Variants in NDST3 observed in about 807,000 individuals in gnomAD.
NDST3 encodes bifunctional heparan sulfate N-deacetylase/N-sulfotransferase 3.
A neutral mutation model predicts 96.1 loss-of-function variants in NDST3; 58 were observed. The ratio of observed to expected loss-of-function variants is 0.60; its 90% CI spans 0.49 to 0.75. NDST3 has a LOEUF of 0.75. Ranked by LOEUF, NDST3 falls within the 30% of genes least tolerant of loss-of-function variation. NDST3 has a pLI of 0.00. For synonymous variants in NDST3, 333 were observed against 359.7 expected, an observed-to-expected ratio of 0.93 and a Z score of 0.84; for missense variants, 788 against 1,034.2, an observed-to-expected ratio of 0.76 and a Z score of 3.27.
intron 6 of NDST3, among the ~76,000 whole-genome samples, chr4:118,223,448 T>C (rs1739674604): frequency 6.6e-6 from 1 of 152,056 alleles, no homozygotes; most frequent in Non-Finnish European, 1.5e-5. Flanking sequence ...AATTTATTTG[T>C]AAAAGTTCAA....
chr4:118,126,959 T>C (rs1732154379), intron 4 of NDST3, among the ~76,000 whole-genome samples: 1 of 152,118 alleles, frequency 6.6e-6, no homozygotes, highest in Admixed American at 6.5e-5. Flanking sequence ...GTTGAGCACC[T>C]TTTCATATGC....
rs1424393140 is a variant in NDST3 at position 118,255,598 on chromosome 4, G to A, written c.2508G>A (p.Arg836=). 6.2e-7 allele frequency: 1 copy of A among 1,611,356 alleles called. No individual in the cohort carries two copies. Among genetic ancestry groups the A allele is most frequent in the Non-Finnish European group, 8.5e-7 (1 of 1,178,398 alleles). The change falls in exon 14 of 14, where the codon AGG becomes AGA. Residue 836 remains arginine, a synonymous_variant. Coordinates refer to ENST00000296499, the MANE Select transcript of NDST3 (RefSeq NM_004784.3). ...RKYPPMDSDS[R]TFLSSYYRDH... ...CTCTCCTCCTCTCCACTTAGAGCAG[G>A]ACATTTCTGTCAAGCTACTATCGAG...
At chr4:118,196,736 T>C (rs1271606040) in intron 6 of NDST3, among the ~76,000 whole-genome samples, 1 of 152,014 alleles carries the variant, frequency 6.6e-6, no homozygotes, top group Non-Finnish European at 1.5e-5. Context: ...ATCTTCTTTT[T>C]TTTTCTTAGG....
At chr4:118,212,516 G>A (rs963066200) in intron 6 of NDST3, among the ~76,000 whole-genome samples, 2 of 152,122 alleles carry the variant, frequency 1.3e-5, no homozygotes, top group Non-Finnish European at 2.9e-5. Context: ...CTCCAGCCTG[G>A]GTGGCAAAGC....
At chr4:118,183,414 A>C (rs1736729121) in intron 6 of NDST3, among the ~76,000 whole-genome samples, 1 of 152,120 alleles carries the variant, frequency 6.6e-6, no homozygotes, top group Admixed American at 6.5e-5. Flanking sequence ...TCAAAGCTCC[A>C]CCAGTCTAAT....
intron 1 of NDST3, among the ~76,000 whole-genome samples, chr4:118,042,536 C>T (rs1724528841): frequency 6.6e-6 from 1 of 152,176 alleles, no homozygotes; most frequent in African/African-American, 2.4e-5. Flanking sequence ...TTTATCAAAT[C>T]CCTCTGTTCA....
chr4:118,202,383 G>A (rs1160386260), intron 6 of NDST3, among the ~76,000 whole-genome samples: 2 of 152,166 alleles, frequency 1.3e-5, no homozygotes, highest in African/African-American at 4.8e-5. Context: ...GATAGGAATA[G>A]TGTTGAATCT....
intron 12 of NDST3, among the ~76,000 whole-genome samples, chr4:118,243,261 T>A (rs1159821419): frequency 6.6e-6 from 1 of 152,202 alleles, no homozygotes; most frequent in Admixed American, 6.5e-5. Flanking sequence ...TTCCTTTACC[T>A]TTCAACAAAC....
chr4:118,226,943 C>G lies in NDST3; in HGVS notation c.1780C>G (p.Arg594Gly). 2 of 1,613,516 alleles carry G rather than the reference C, an allele frequency of 1.2e-6. No homozygotes were observed. Among genetic ancestry groups the G allele is most frequent in the Non-Finnish European group, 1.7e-6 (2 of 1,179,770 alleles). Residue 594 changes from arginine to glycine, a missense_variant, in exon 8 of 14, where the codon CGC (arginine) becomes GGC (glycine). Physicochemically the swap from Arg to Gly is moderately radical, Grantham distance 125. Around this residue, in one of 3 missense-constraint regions of NDST3, gnomAD observed 490 missense variants for 708.8 expected, o/e 0.69. Coordinates refer to ENST00000296499, the MANE Select transcript of NDST3 (RefSeq NM_004784.3). ...TTGGTCTAAAGAAAAAACTTGTGAT[C>G]GCTTACCAAAATTCTTGGTAATAGG... ...DIWSKEKTCDRLPKFLVIGPQ... is the reference protein window; with the variant it reads ...DIWSKEKTCDGLPKFLVIGPQ...
intron 2 of NDST3, among the ~76,000 whole-genome samples, chr4:118,103,591 A>G (rs1406858705): frequency 6.6e-6 from 1 of 152,150 alleles, no homozygotes; most frequent in African/African-American, 2.4e-5. Flanking sequence ...CATCTGACCT[A>G]GAAGTCCCAT....
At chr4:118,074,193 A>G (rs1471134106) in intron 2 of NDST3, among the ~76,000 whole-genome samples, 1 of 152,158 alleles carries the variant, frequency 6.6e-6, no homozygotes, top group African/African-American at 2.4e-5. Flanking sequence ...TTTATGGCCA[A>G]TTGCATGGTT....
chr4:118,174,837 G>T (rs984029906), intron 6 of NDST3, among the ~76,000 whole-genome samples: 1 of 152,052 alleles, frequency 6.6e-6, no homozygotes, highest in Admixed American at 6.6e-5. Flanking sequence ...TTTAGAATCC[G>T]ACTGTGACTA....
chr4:118,141,907 A>G (rs2125904012), intron 5 of NDST3, among the ~76,000 whole-genome samples: 1 of 152,308 alleles, frequency 6.6e-6, no homozygotes, highest in South Asian at 2.1e-4. Context: ...CATACAGTCC[A>G]TAGCTAGTTC....
intron 1 of NDST3, among the ~76,000 whole-genome samples, chr4:118,048,401 C>A (rs1248651912): frequency 3.9e-5 from 6 of 152,034 alleles, no homozygotes; most frequent in Non-Finnish European, 1.5e-5. Flanking sequence ...TGTAAATGAG[C>A]TAAATGCCCC....
chr4:118,215,041 A>G (rs978971069), intron 6 of NDST3, among the ~76,000 whole-genome samples: 2 of 152,164 alleles, frequency 1.3e-5, no homozygotes, highest in Non-Finnish European at 1.5e-5. Flanking sequence ...ACAAGCACAT[A>G]AAGAGCTCAA....
chr4:118,176,421 G>T (rs777043271), intron 6 of NDST3, among the ~76,000 whole-genome samples: 2 of 151,974 alleles, frequency 1.3e-5, no homozygotes, highest in African/African-American at 2.4e-5. Context: ...ATGACCAAAG[G>T]TCATTTATTA....
In NDST3 at chr4:118,207,146, T is replaced by TACAC. The variant is rs67300451; in HGVS notation, c.1540-17303_1540-17300dup. On this transcript the variant is annotated intron_variant, in intron 6 of 13. Transcript: ENST00000296499. ...AAAATAAAAGAAAATTCTGGAAGAA[T>TACAC]ACACACACACACACACACACACACA... Among the ~76,000 whole-genome samples, 338 of 128,830 alleles carry TACAC rather than the reference T, an allele frequency of 2.6e-3. 14 individuals carry two copies. The highest frequency in any genetic ancestry group is 0.025 in the East Asian group (120 of 4,822). The allele number at this position is 128,830 out of a possible 152,430, so 84.5% of individuals were successfully genotyped here.
chr4:118,252,484 A>G (rs1741809388), intron 12 of NDST3, among the ~76,000 whole-genome samples: 1 of 152,254 alleles, frequency 6.6e-6, no homozygotes, highest in Admixed American at 6.5e-5. Context: ...TTCACAGCAT[A>G]TCCTTAAGTG....
At chr4:118,049,047 T>G (rs932117901) in intron 1 of NDST3, among the ~76,000 whole-genome samples, 5 of 152,082 alleles carry the variant, frequency 3.3e-5, no homozygotes, top group Admixed American at 2.6e-4. Context: ...CAGTGCAATT[T>G]AAAAAATCAA....
Sources: allele counts gnomAD v4.1 joint callset (sites outside exome capture counted in the v4.1 genomes callset), GRCh38; gene constraint gnomAD v4.1.1; regional missense constraint gnomAD v4.1.1; transcripts MANE v1.5; gene names NCBI Gene and HGNC (gene_info 2026-07-23, HGNC 2026-07-21).